The following ATP23 variants were observed in gnomAD, a reference collection of about 807,000 sequenced individuals.
ATP23 encodes the protein ATP23 metallopeptidase and ATP synthase assembly factor homolog, also known as mitochondrial inner membrane protease ATP23 homolog.
A neutral mutation model predicts 28.5 loss-of-function variants in ATP23; 24 were observed. The ratio of observed to expected loss-of-function variants is 0.84; its 90% confidence interval spans 0.61 to 1.18. ATP23 has a LOEUF of 1.18. Ranked by LOEUF, ATP23 falls within the 50% of genes most tolerant of loss-of-function variation. The probability of loss-of-function intolerance (pLI) is 0.00; values close to 1 mark genes in which losing one functional copy is unlikely to be tolerated. For synonymous variants in ATP23, 99 were observed against 108.6 expected (o/e 0.91, Z 0.55); for missense variants, 274 against 306.4 (o/e 0.89, Z 0.79).
chr12:57,946,118 G>A (rs1185486845), intron 2 of ATP23, among the ~76,000 whole-genome samples: 1 of 151,900 alleles, frequency 6.6e-6, no homozygotes, highest in Non-Finnish European at 1.5e-5. Flanking sequence ...CACCCACCTC[G>A]GCCTCCCAAA....
At chr12:57,955,551 C>G (rs933416018) in intron 5 of ATP23, among the ~76,000 whole-genome samples, 4 of 152,144 alleles carry the variant, frequency 2.6e-5, no homozygotes, top group Non-Finnish European at 5.9e-5. Flanking sequence ...ATAGTCATAT[C>G]TTTATTTTAA....
chr12:57,949,062 TTACTC>T (rs532738192), intron 3 of ATP23, among the ~76,000 whole-genome samples: 6 of 152,370 alleles, frequency 3.9e-5, no homozygotes, highest in Admixed American at 2.0e-4. Context: ...ATACTATAGT[TTACTC>T]TAATATTGAT....
rs935016011 is a variant in ATP23, at chr12:57,957,576, G to C, written c.*686G>C. On this transcript the variant is annotated 3_prime_UTR_variant, in exon 6 of 6. Transcript: ENST00000300145. ...CAAATACTGTGAGTGCCCAACTGCA[G>C]AAGTGGGAAAGGGAGACCCTCCTCT... is the stretch of plus-strand genomic sequence containing the variant. 6.6e-6 allele frequency among the ~76,000 whole-genome samples: 1 copy of C among 152,180 alleles called. No individual in the cohort carries two copies. The highest frequency in any genetic ancestry group is 1.5e-5 in the Non-Finnish European group (1 of 68,034).
chr12:57,942,392 C>T (rs1185958214), intron 1 of ATP23, among the ~76,000 whole-genome samples: 2 of 150,618 alleles, frequency 1.3e-5, no homozygotes, highest in East Asian at 3.9e-4. Flanking sequence ...TCTGTGAAAT[C>T]GTGTGTATGT....
In ATP23 at chr12:57,956,717, A is replaced by G. The variant is rs1227588536; in HGVS notation, c.568A>G (p.Ile190Val). 3.7e-6 allele frequency: 6 copies of G among 1,613,730 alleles called. No homozygotes were observed. In the African/African-American group the frequency reaches 8.0e-5, roughly 22 times the overall value. ...TGTGCGAGACAGAGCCACTCTTTCT[A>G]TCCTGGCTGTTAGGAATATCAGCAA... ...TCVRDRATLS[I>V]LAVRNISKEV... Residue 190 changes from isoleucine to valine, a missense_variant, in exon 6 of 6, where the codon ATC (isoleucine) becomes GTC (valine). Physicochemically the swap from Ile to Val is conservative, Grantham distance 29 (BLOSUM62 3). Transcript: ENST00000300145.
intron 3 of ATP23, among the ~76,000 whole-genome samples, chr12:57,949,114 G>A (rs1956791723): frequency 6.6e-6 from 1 of 152,162 alleles, no homozygotes; most frequent in Non-Finnish European, 1.5e-5. Flanking sequence ...ATGCTGCTAT[G>A]AATATTTTTG....
chr12:57,956,663 C>G (rs1214735213), intron 5 of ATP23, 24 bp from the exon 6 acceptor site: 19 of 1,530,868 alleles, frequency 1.2e-5, no homozygotes, highest in Non-Finnish European at 1.5e-5. Flanking sequence ...AAAATTAGAG[C>G]CTCATACTTT....
rs953226780 is a variant in ATP23, at chr12:57,957,932, GA to G, written c.*1043del. ...ACAAATCCCATGTGCAGAATCCACA[GA>G]GGGGAAGAACCAAGCTCTTTTCTTT... On this transcript the variant is annotated 3_prime_UTR_variant, in exon 6 of 6. Coordinates refer to ENST00000300145, the MANE Select transcript of ATP23 (RefSeq NM_033276.4). Among the ~76,000 whole-genome samples the G allele has an allele frequency of 6.6e-6, 1 of 152,238 alleles. No individual in the cohort carries two copies. Among genetic ancestry groups the G allele is most frequent in the Non-Finnish European group, 1.5e-5 (1 of 68,044 alleles).
chr12:57,945,210 A>C (rs1005472122), intron 1 of ATP23, among the ~76,000 whole-genome samples: 2 of 151,982 alleles, frequency 1.3e-5, no homozygotes. Context: ...TTGGCCTCTC[A>C]TGTCAATTTT....
intron 5 of ATP23, among the ~76,000 whole-genome samples, chr12:57,955,711 A>G (rs1956860279): frequency 6.6e-6 from 1 of 152,168 alleles, no homozygotes; most frequent in South Asian, 2.1e-4. Flanking sequence ...TTGGCTTCAC[A>G]TGGTTCTTCC....
Position 57,941,603 on chromosome 12 carries a change from G to A in ATP23, c.-99G>A. On this transcript the variant is annotated 5_prime_UTR_variant, in exon 1 of 6. Coordinates refer to ENST00000300145, the MANE Select transcript of ATP23 (RefSeq NM_033276.4). ...GCTGCCCTTCTTCCCTGCGGAGGGA[G>A]GGCCTGGGCGGTCGCGTTGGCGGGA... The A allele has an allele frequency of 6.8e-7, 1 of 1,467,228 alleles. No individual in the cohort carries two copies. The highest frequency in any genetic ancestry group is 1.3e-5 in the South Asian group (1 of 74,802). 90.9% of individuals were successfully genotyped at this position (1,467,228 alleles called of 1,614,324 possible).
chr12:57,945,077 C>T (rs1427431638), intron 1 of ATP23, among the ~76,000 whole-genome samples: 1 of 152,144 alleles, frequency 6.6e-6, no homozygotes, highest in Non-Finnish European at 1.5e-5. Flanking sequence ...CGTGTTTGAT[C>T]ATTTAACTAA....
chr12:57,956,038 A>C (rs183771577), intron 5 of ATP23, among the ~76,000 whole-genome samples: 48 of 152,366 alleles, frequency 3.2e-4, no homozygotes, highest in Non-Finnish European at 5.6e-4. Context: ...TTAAATATTT[A>C]AATTAGAGTA....
chr12:57,947,020 T>C lies in ATP23; in HGVS notation c.259T>C (p.Ser87Pro). 3 of 1,614,080 alleles carry C rather than the reference T, an allele frequency of 1.9e-6. No individual in the cohort carries two copies. The highest frequency in any genetic ancestry group is 1.7e-6 in the Non-Finnish European group (2 of 1,179,992). Residue 87 changes from serine to proline, a missense_variant, in exon 3 of 6, where the codon TCT becomes CCT. By Grantham distance (74) the Ser-to-Pro change is moderately conservative. Transcript: ENST00000300145. ...GCAVNKDRHF[S>P]CEDCNGNVSG... is the part of the protein sequence containing the mutation. ...TGCTGTTAACAAAGATAGACACTTT[T>C]CTTGCGAAGACTGTAATGGAAATGT...
intron 5 of ATP23, 22 bp from the exon 6 acceptor site, chr12:57,956,665 T>C: frequency 6.4e-7 from 1 of 1,552,592 alleles, no homozygotes; most frequent in Non-Finnish European, 8.7e-7. Context: ...AATTAGAGCC[T>C]CATACTTTTC....
In ATP23 at chr12:57,941,843, A is replaced by G. The variant is rs3751325; in HGVS notation, c.142A>G (p.Ser48Gly). The change falls in exon 1 of 6, where the codon AGC (serine) becomes GGC (glycine). Residue 48 changes from serine to glycine, a missense_variant. Transcript: ENST00000300145. The stretch of plus-strand genomic sequence containing the variant: ...AGGGTTCTTCTCCAGCTTCTTCACC[A>G]GCAACCAGAAGTGCCAGCTTAGGCT... ...QQGFFSSFFT[S>G]NQKCQLRLLK... is the part of the protein sequence containing the mutation. The G allele has an allele frequency of 6.2e-7, 1 of 1,612,262 alleles. No individual in the cohort carries two copies. Among genetic ancestry groups the G allele is most frequent in the Non-Finnish European group, 8.5e-7 (1 of 1,179,320 alleles).
intron 2 of ATP23, among the ~76,000 whole-genome samples, chr12:57,946,133 T>C (rs941455793): frequency 2.0e-5 from 3 of 152,312 alleles, no homozygotes; most frequent in Admixed American, 2.0e-4. Flanking sequence ...CCCAAAGTGC[T>C]GGGATTACAG....
intron 4 of ATP23, 128 bp from the exon 5 acceptor site, chr12:57,953,478 C>A: frequency 1.3e-6 from 1 of 755,470 alleles, no homozygotes; most frequent in Non-Finnish European, 2.1e-6. Context: ...AGAAGTGTCA[C>A]AAATACTCTT....
chr12:57,943,377 T>TG (rs2140525966), intron 1 of ATP23, among the ~76,000 whole-genome samples: 1 of 152,188 alleles, frequency 6.6e-6, no homozygotes, highest in Admixed American at 6.5e-5. Flanking sequence ...TTAGGGTTGT[T>TG]GTGAAGAATA....
Sources: gnomAD v4.1 joint callset for allele counts (sites outside exome capture counted in the v4.1 genomes callset) on GRCh38, gnomAD v4.1.1 for gene constraint, MANE v1.5 for transcripts, NCBI Gene and HGNC (gene_info 2026-07-23, HGNC 2026-07-21) for gene names.